ADGRE5: variants seen among roughly 807,000 people sequenced by gnomAD.
The protein encoded by ADGRE5 is CD97 molecule.
Under a neutral mutation model 100.3 loss-of-function variants are expected in ADGRE5, and 72 were observed. The observed-to-expected ratio is 0.72, with a 90% CI of 0.59 to 0.87. The LOEUF (loss-of-function observed/expected upper bound fraction) is 0.87, where lower values mean the gene tolerates loss of function less well. ADGRE5 is among the 40% of genes least tolerant of loss of function. ADGRE5 has a pLI of 0.00. For synonymous variants in ADGRE5, 439 were observed against 447.8 expected (o/e 0.98, Z 0.25); for missense variants, 959 against 1,094.7 (o/e 0.88, Z 1.75).
intron 12 of ADGRE5, among the ~76,000 whole-genome samples, 175 bp from the exon 13 acceptor site, chr19:14,404,208 A>C (rs1157226381): frequency 6.6e-6 from 1 of 152,100 alleles, no homozygotes; most frequent in Non-Finnish European, 1.5e-5. Context: ...CAACCTCACA[A>C]GGGTAGGTAC....
rs753092628 is a variant in ADGRE5, at chr19:14,408,562, C to T, written c.*441C>T. On this transcript the variant is annotated 3_prime_UTR_variant, in exon 20 of 20. Transcript: ENST00000242786. ...TGATGTCAGAGGCCCCATGGCGAGGCCCCTTGGGGCCACTGCCTGAGGCTC... is the reference window on the plus strand; with the variant it reads ...TGATGTCAGAGGCCCCATGGCGAGGTCCCTTGGGGCCACTGCCTGAGGCTC... 5 of 429,362 alleles carry T rather than the reference C, an allele frequency of 1.2e-5. No homozygotes were observed. The highest frequency in any genetic ancestry group is 2.1e-5 in the Non-Finnish European group (5 of 239,626). 26.6% of individuals were successfully genotyped at this position (429,362 alleles called of 1,614,324 possible). A position where few individuals can be genotyped will look rare whatever the true frequency, so the allele number is the denominator to read the frequency against.
intron 12 of ADGRE5, among the ~76,000 whole-genome samples, chr19:14,403,064 A>G (rs1976080417): frequency 6.6e-6 from 1 of 152,134 alleles, no homozygotes; most frequent in Non-Finnish European, 1.5e-5. Context: ...TTATTTTAAG[A>G]CAGAGTCTCA....
In ADGRE5 at chr19:14,408,445, G is replaced by A. The variant is rs988506696; in HGVS notation, c.*324G>A. ...CCAGTACTCGGGACAGACTAAGGGCGCTTGTCCCATCCTGGACTTTTCCTC... is the reference window on the plus strand; with the variant it reads ...CCAGTACTCGGGACAGACTAAGGGCACTTGTCCCATCCTGGACTTTTCCTC... On this transcript the variant is annotated 3_prime_UTR_variant, in exon 20 of 20. Transcript: ENST00000242786. The A allele has an allele frequency of 2.1e-5, 12 of 558,800 alleles. No homozygotes were observed. Among genetic ancestry groups the A allele is most frequent in the Admixed American group, 9.2e-5 (3 of 32,690 alleles). The allele number at this position is 558,800 out of a possible 1,614,324, so 34.6% of individuals were successfully genotyped here. A position where few individuals can be genotyped will look rare whatever the true frequency, so the allele number is the denominator to read the frequency against.
At position 14,381,516 on chromosome 19, in the gene ADGRE5, C is replaced by T. The variant is rs756503408; in HGVS notation, c.-8C>T. ...TTTCCCCTGCCGCTCCTGCCGGCAG[C>T]TCCAACCATGGGAGGCCGCGTCTTT... On this transcript the variant is annotated 5_prime_UTR_variant, in exon 1 of 20. Transcript: ENST00000242786. 4 of 1,610,286 alleles carry T rather than the reference C, an allele frequency of 2.5e-6. No homozygotes were observed. Among genetic ancestry groups the T allele is most frequent in the Middle Eastern group, 1.7e-4 (1 of 6,054 alleles).
intron 4 of ADGRE5, among the ~76,000 whole-genome samples, chr19:14,393,570 C>CAGG: frequency 6.6e-6 from 1 of 152,278 alleles, no homozygotes; most frequent in South Asian, 2.1e-4. Context: ...GTACCGAGAT[C>CAGG]AGGAAGAGGA....
intron 4 of ADGRE5, among the ~76,000 whole-genome samples, chr19:14,392,104 A>G (rs1177712162): frequency 2.1e-5 from 2 of 93,910 alleles, no homozygotes; most frequent in Non-Finnish European, 4.1e-5. Flanking sequence ...ACTCTGTCTG[A>G]AAAAAAAAAA....
intron 11 of ADGRE5, among the ~76,000 whole-genome samples, chr19:14,402,251 A>G (rs1314771420): frequency 6.6e-6 from 1 of 152,014 alleles, no homozygotes; most frequent in East Asian, 1.9e-4. Flanking sequence ...CCTGGCCAAG[A>G]TGGTGAAACC....
chr19:14,396,861 C>T (rs924360916), intron 5 of ADGRE5, among the ~76,000 whole-genome samples: 1 of 152,170 alleles, frequency 6.6e-6, no homozygotes, highest in Non-Finnish European at 1.5e-5. Flanking sequence ...GGTTTCACCT[C>T]CTATAAACTG....
chr19:14,395,786 G>T (rs1390396259), intron 4 of ADGRE5, among the ~76,000 whole-genome samples: 2 of 152,082 alleles, frequency 1.3e-5, no homozygotes, highest in South Asian at 2.1e-4. Flanking sequence ...ACATCATCCC[G>T]CACTCTCCCC....
rs1390445367 is a variant in ADGRE5 at position 14,406,152 on chromosome 19, G to T, written c.1822-179G>T. ...CTGCCTGGCCACACCCCGAGTGCCC[G>T]CTCGCTTCTGAGCGTTGTTGGGGGT... On this transcript the variant is annotated intron_variant, in intron 14 of 19. Coordinates refer to ENST00000242786, the MANE Select transcript of ADGRE5 (RefSeq NM_078481.4). The surrounding 1 kb of genome is among the most constrained non-coding windows in gnomAD (Gnocchi z 6.0). Among the ~76,000 whole-genome samples, 1 of 152,172 alleles carries T rather than the reference G, an allele frequency of 6.6e-6. No individual in the cohort carries two copies. The highest frequency in any genetic ancestry group is 1.5e-5 in the Non-Finnish European group (1 of 68,024).
Position 14,405,959 on chromosome 19 carries a change from C to G in ADGRE5, c.1821+20C>G, listed in dbSNP as rs1188326124. 3.1e-6 allele frequency: 5 copies of G among 1,592,078 alleles called. No individual in the cohort carries two copies. The African/African-American group carries it at 4.0e-5, about 13-fold the overall frequency. On this transcript the variant is annotated intron_variant, in intron 14 of 19. Transcript: ENST00000242786. ...GGCCAGGTGAGGTCCCGCCCCGCTC[C>G]CTCCTGAGCTCTGGGGTCAGGGAGG...
intron 4 of ADGRE5, among the ~76,000 whole-genome samples, chr19:14,392,811 GAGAA>G (rs1274914076): frequency 1.3e-5 from 2 of 151,670 alleles, no homozygotes; most frequent in African/African-American, 4.9e-5. Context: ...GCTAAAGCAC[GAGAA>G]TCGCTTGAAC....
Position 14,401,341 on chromosome 19 carries a change from C to G in ADGRE5, c.898-45C>G, listed in dbSNP as rs762560237. ...GACATCCAGGTCCTTCAGGCAACCC[C>G]TGTGGTCTGATGCTCCAGCGATTCT... On this transcript the variant is annotated intron_variant, in intron 9 of 19. Coordinates refer to ENST00000242786, the MANE Select transcript of ADGRE5 (RefSeq NM_078481.4). This position sits in a 1 kb window ranked among gnomAD's most constrained non-coding sequence, Gnocchi z 4.1. 1.9e-6 allele frequency: 3 copies of G among 1,585,222 alleles called. No homozygotes were observed. Among genetic ancestry groups the G allele is most frequent in the East Asian group, 2.3e-5 (1 of 44,374 alleles).
chr19:14,397,137 A>G lies in ADGRE5; in HGVS notation c.539A>G (p.Asn180Ser), dbSNP rs143651564. 51 of 1,613,882 alleles carry G rather than the reference A, an allele frequency of 3.2e-5. 1 individual carries two copies. The African/African-American group carries it at 4.5e-4, about 14-fold the overall frequency. ...CACAGCTCCACCCACTGCCTCAACA[A>G]CGTGGGCAGCTATCAGTGCCGCTGC... ...PCHSSTHCLN[N>S]VGSYQCRCRP... The change falls in exon 6 of 20, where the codon AAC becomes AGC. Residue 180 changes from asparagine (N) to serine (S), a missense_variant. Asn to Ser is a conservative substitution (Grantham distance 46, BLOSUM62 1). Coordinates refer to ENST00000242786, the MANE Select transcript of ADGRE5 (RefSeq NM_078481.4).
In ADGRE5 at chr19:14,386,693, CAA is replaced by C. The variant is rs1172800346; in HGVS notation, c.23-1737_23-1736del. Among the ~76,000 whole-genome samples the C allele has an allele frequency of 9.7e-3, 547 of 56,538 alleles. 3 individuals are homozygous for C. The highest frequency in any genetic ancestry group is 0.034 in the African/African-American group (489 of 14,412). The allele number at this position is 56,538 out of a possible 152,430, so 37.1% of individuals were successfully genotyped here. The stretch of plus-strand genomic sequence containing the variant: ...TGGGCGACAGAGCAAGACTCCGTCT[CAA>C]AAAAAAAAAAAAAAAAAAAGAGAAA... On this transcript the variant is annotated intron_variant, in intron 1 of 19. Transcript: ENST00000242786.
chr19:14,395,567 T>C (rs1321936493), intron 4 of ADGRE5, among the ~76,000 whole-genome samples: 2 of 152,250 alleles, frequency 1.3e-5, no homozygotes, highest in East Asian at 3.8e-4. Context: ...CATCGGCACC[T>C]GTGCCCTCTC....
At chr19:14,382,490 G>C (rs62122578) in intron 1 of ADGRE5, among the ~76,000 whole-genome samples, 1 of 152,048 alleles carries the variant, frequency 6.6e-6, no homozygotes, top group Non-Finnish European at 1.5e-5. Context: ...ACCCGTCTCC[G>C]TCTTAGATTG....
At chr19:14,394,842 A>G (rs1172242428) in intron 4 of ADGRE5, among the ~76,000 whole-genome samples, 1 of 152,110 alleles carries the variant, frequency 6.6e-6, no homozygotes, top group African/African-American at 2.4e-5. Flanking sequence ...CTTGGAGAAG[A>G]TGCCTCCCGA....
rs747173884 is a variant in ADGRE5, at chr19:14,401,464, A to T, written c.976A>T (p.Ile326Leu). 26 of 1,614,100 alleles carry T rather than the reference A, an allele frequency of 1.6e-5. No individual in the cohort carries two copies. In the East Asian group the frequency reaches 5.3e-4, roughly 33 times the overall value. ...EALAPPVRHL[I>L]ATQLLSNLED... ...CCTGGCGCCACCTGTCCGGCACCTC[A>T]TAGCCACCCAGCTGCTCTCAAACCT... The change falls in exon 10 of 20, where the codon ATA (isoleucine) becomes TTA (leucine). Residue 326 changes from isoleucine (I) to leucine (L), a missense_variant. By Grantham distance (5) the Ile-to-Leu change is conservative. Transcript: ENST00000242786. This position sits in a 1 kb window ranked among gnomAD's most constrained non-coding sequence, Gnocchi z 4.1.
Sources: allele counts gnomAD v4.1 joint callset (sites outside exome capture counted in the v4.1 genomes callset), GRCh38; gene constraint gnomAD v4.1.1; non-coding constraint Gnocchi (gnomAD v3.1); transcripts MANE v1.5; gene names NCBI Gene and HGNC (gene_info 2026-07-23, HGNC 2026-07-21).